ARHGAP18: variants seen among roughly 807,000 people sequenced by gnomAD.
ARHGAP18 encodes the protein rho GTPase-activating protein 18.
In ARHGAP18, 67 loss-of-function variants were observed where a neutral mutation model predicts 86.2. The observed-to-expected ratio is 0.78, with a 90% confidence interval of 0.64 to 0.95. The LOEUF is 0.95. Ranked by LOEUF, ARHGAP18 falls within the 40% of genes least tolerant of loss-of-function variation. The pLI, the probability that ARHGAP18 is intolerant of heterozygous loss-of-function variation, is 0.00. For missense variants in ARHGAP18, 691 were observed against 780.4 expected (o/e 0.89, Z 1.37); for synonymous variants, 283 against 280.4 (o/e 1.01, Z -0.09).
intron 1 of ARHGAP18, among the ~76,000 whole-genome samples, chr6:129,652,808 C>T (rs1773742419): frequency 6.6e-6 from 1 of 152,102 alleles, no homozygotes; most frequent in Non-Finnish European, 1.5e-5. Flanking sequence ...TTCATAATAC[C>T]TGTCATGAAA....
At chr6:129,633,434 CAAAA>C (rs34853507) in intron 4 of ARHGAP18, among the ~76,000 whole-genome samples, 1 of 104,460 alleles carries the variant, frequency 9.6e-6, no homozygotes, top group Non-Finnish European at 1.9e-5. Flanking sequence ...GACTCCACCT[CAAAA>C]AAAAAAAAAA....
chr6:129,671,146 T>G (rs968454297), intron 1 of ARHGAP18, among the ~76,000 whole-genome samples: 5 of 152,168 alleles, frequency 3.3e-5, no homozygotes, highest in Non-Finnish European at 7.3e-5. Context: ...TTCAAGTAAT[T>G]TATCTATACA....
chr6:129,589,640 A>C (rs1333917834), intron 12 of ARHGAP18, among the ~76,000 whole-genome samples: 1 of 152,150 alleles, frequency 6.6e-6, no homozygotes, highest in African/African-American at 2.4e-5. Flanking sequence ...CCTGTTACCC[A>C]GTTCCAAAAT....
In ARHGAP18 at chr6:129,607,921, C is replaced by T. The variant is rs1449760186; in HGVS notation, c.1254G>A (p.Glu418=). Residue 418 remains glutamate, a synonymous_variant, in exon 9 of 15, where the codon GAG becomes GAA. Transcript: ENST00000368149. ...GGACAGCCTGAAAGGCTTTGAGATACTCCACACTGAGCAGTGGCTGGGGCA... is the reference window on the plus strand; with the variant it reads ...GGACAGCCTGAAAGGCTTTGAGATATTCCACACTGAGCAGTGGCTGGGGCA... ...RELPQPLLSV[E]YLKAFQAVQN... The T allele has an allele frequency of 1.2e-6, 2 of 1,612,850 alleles. No homozygotes were observed. Among genetic ancestry groups the T allele is most frequent in the East Asian group, 4.5e-5 (2 of 44,868 alleles).
rs370593148 is a variant in ARHGAP18, at chr6:129,629,370, C to A, written c.769G>T (p.Asp257Tyr). 1 of 1,613,500 alleles carries A rather than the reference C, an allele frequency of 6.2e-7. No homozygotes were observed. The highest frequency in any genetic ancestry group is 8.5e-7 in the Non-Finnish European group (1 of 1,179,850). ...SKEKIQKSKGDDATLPSFRLP... is the reference protein window; with the variant it reads ...SKEKIQKSKGYDATLPSFRLP... ...CTACGTACAGGTAATGTGGCATCATCGCCTTTGCTCTTCTGGATTTTCTCC... is the reference window on the plus strand; with the variant it reads ...CTACGTACAGGTAATGTGGCATCATAGCCTTTGCTCTTCTGGATTTTCTCC... The change falls in exon 5 of 15, where the codon GAT becomes TAT. Residue 257 changes from aspartate (D) to tyrosine (Y), a missense_variant. Asp to Tyr is a radical substitution (Grantham distance 160). Transcript: ENST00000368149.
At chr6:129,664,284 G>A (rs1774002162) in intron 1 of ARHGAP18, among the ~76,000 whole-genome samples, 2 of 152,222 alleles carry the variant, frequency 1.3e-5, no homozygotes, top group Admixed American at 6.5e-5. Flanking sequence ...TGATGACCAG[G>A]TAGGTTGATT....
intron 1 of ARHGAP18, among the ~76,000 whole-genome samples, chr6:129,694,789 T>C (rs1452715638): frequency 6.6e-6 from 1 of 152,210 alleles, no homozygotes; most frequent in Non-Finnish European, 1.5e-5. Flanking sequence ...AAGACATAAA[T>C]ATTAATTTTC....
intron 9 of ARHGAP18, among the ~76,000 whole-genome samples, chr6:129,607,399 C>G (rs192440747): frequency 2.8e-4 from 42 of 152,244 alleles, no homozygotes; most frequent in Admixed American, 6.5e-4. Context: ...GACCTTCCAC[C>G]AATGAGGCAG....
chr6:129,615,503 T>G (rs895453846), intron 7 of ARHGAP18, among the ~76,000 whole-genome samples: 1 of 152,172 alleles, frequency 6.6e-6, no homozygotes. Flanking sequence ...CTGAGCCAAT[T>G]AACTGCAAAT....
At chr6:129,621,323 C>T (rs1401144813) in intron 5 of ARHGAP18, among the ~76,000 whole-genome samples, 1 of 152,132 alleles carries the variant, frequency 6.6e-6, no homozygotes, top group East Asian at 1.9e-4. Context: ...AAAAGAGAGC[C>T]TTCAAGTCCA....
rs1789371857 is a variant in ARHGAP18 at position 129,625,373 on chromosome 6, A to G, written c.786+3980T>C. On this transcript the variant is annotated intron_variant, in intron 5 of 14. Transcript: ENST00000368149. ...TAATATATATTATGTATATTTATAT[A>G]TATTATATATTATATATTTATACAT... Among the ~76,000 whole-genome samples, 2 of 82,332 alleles carry G rather than the reference A, an allele frequency of 2.4e-5. 1 individual carries two copies. The highest frequency in any genetic ancestry group is 3.9e-5 in the Non-Finnish European group (2 of 51,102). The allele number at this position is 82,332 out of a possible 152,430, so 54.0% of individuals were successfully genotyped here.
intron 1 of ARHGAP18, among the ~76,000 whole-genome samples, chr6:129,693,050 T>C (rs775260533): frequency 8.5e-5 from 13 of 152,226 alleles, no homozygotes; most frequent in Non-Finnish European, 1.9e-4. Flanking sequence ...AAGACTTTAA[T>C]GTCCTTCTGT....
intron 1 of ARHGAP18, among the ~76,000 whole-genome samples, chr6:129,650,026 C>T (rs933770265): frequency 6.6e-6 from 1 of 150,850 alleles, no homozygotes; most frequent in Non-Finnish European, 1.5e-5. Context: ...TATTCTCCTG[C>T]CTCAGTCTCC....
chr6:129,618,909 T>C, intron 5 of ARHGAP18, 57 bp from the exon 6 acceptor site: 4 of 1,486,488 alleles, frequency 2.7e-6, no homozygotes, highest in Non-Finnish European at 2.7e-6. Context: ...TCCATTGTAA[T>C]GCAGGAAGGA....
chr6:129,698,049 TC>T (rs759516132), intron 1 of ARHGAP18, among the ~76,000 whole-genome samples: 4 of 152,192 alleles, frequency 2.6e-5, no homozygotes, highest in Non-Finnish European at 2.9e-5. Context: ...TCTCAATTAC[TC>T]AACTACAAAT....
intron 10 of ARHGAP18, among the ~76,000 whole-genome samples, chr6:129,603,799 A>AAGC (rs1405441598): frequency 6.6e-6 from 1 of 152,216 alleles, no homozygotes; most frequent in Non-Finnish European, 1.5e-5. Flanking sequence ...AACTGTAGTT[A>AAGC]AGCAGCTTGC....
intron 2 of ARHGAP18, among the ~76,000 whole-genome samples, chr6:129,641,255 C>G (rs1256119503): frequency 6.6e-6 from 1 of 152,110 alleles, no homozygotes; most frequent in Admixed American, 6.6e-5. Context: ...AATGTCTTGG[C>G]TAGGAACAAG....
intron 1 of ARHGAP18, among the ~76,000 whole-genome samples, chr6:129,645,834 C>T (rs1423913152): frequency 4.6e-5 from 7 of 152,152 alleles, no homozygotes. Context: ...TTCCTGGAAT[C>T]TTCTTTTCCA....
rs372636892 is a variant in ARHGAP18, at chr6:129,580,139, G to C, written c.1839-8C>G. ...AGAGTCTGGGCAACCCCACTATGAG[G>C]GACAAAACAAACCGATTAGTTGTAT... On this transcript the variant is annotated splice_region_variant and splice_polypyrimidine_tract_variant and intron_variant, in intron 13 of 14. Coordinates refer to ENST00000368149, the MANE Select transcript of ARHGAP18 (RefSeq NM_033515.3). 27 of 1,611,874 alleles carry C rather than the reference G, an allele frequency of 1.7e-5. 1 individual carries two copies. The Middle Eastern group carries it at 4.9e-4, about 29-fold the overall frequency.
Sources: allele counts gnomAD v4.1 joint callset (sites outside exome capture counted in the v4.1 genomes callset), GRCh38; gene constraint gnomAD v4.1.1; transcripts MANE v1.5; gene names NCBI Gene and HGNC (gene_info 2026-07-23, HGNC 2026-07-21).